BSDC1: variants seen among roughly 807,000 people sequenced by gnomAD.
The protein encoded by BSDC1 is BSD domain containing 1.
A neutral mutation model predicts 56.0 loss-of-function variants in BSDC1; 29 were observed. The ratio of observed to expected loss-of-function variants is 0.52; its 90% CI spans 0.39 to 0.71. The LOEUF (loss-of-function observed/expected upper bound fraction) is 0.71, where lower values mean the gene tolerates loss of function less well. Among genes scored for constraint, BSDC1 ranks in the 30% least tolerant of loss-of-function variants. BSDC1 has a pLI of 0.00. For missense variants in BSDC1, 477 were observed against 548.5 expected, an observed-to-expected ratio of 0.87 and a Z score of 1.30; for synonymous variants, 210 against 215.3, an observed-to-expected ratio of 0.98 and a Z score of 0.21.
rs531782011 is a variant in BSDC1, at chr1:32,386,115, C to G, written c.189+664G>C. Reference sequence around the variant, plus strand: ...TGGGCAGATCACAAGGTCAGGAGATCGAGACCATCCTGGCTAACACGGTGC... The same window carrying G: ...TGGGCAGATCACAAGGTCAGGAGATGGAGACCATCCTGGCTAACACGGTGC... On this transcript the variant is annotated intron_variant, in intron 3 of 10. Transcript: ENST00000455895. Among the ~76,000 whole-genome samples, 5 of 152,124 alleles carry G rather than the reference C, an allele frequency of 3.3e-5. No homozygotes were observed. In the South Asian group the frequency reaches 1.0e-3, roughly 32 times the overall value.
intron 9 of BSDC1, among the ~76,000 whole-genome samples, chr1:32,375,094 G>C (rs1192827896): frequency 6.6e-6 from 1 of 152,100 alleles, no homozygotes; most frequent in Non-Finnish European, 1.5e-5. Context: ...GGAGGTTGCA[G>C]TGAGCCGAGA....
In BSDC1 at chr1:32,376,404, C is replaced by T. The variant is rs1642284510; in HGVS notation, c.1014G>A (p.Thr338=). 6 of 1,613,606 alleles carry T rather than the reference C, an allele frequency of 3.7e-6. No homozygotes were observed. Among genetic ancestry groups the T allele is most frequent in the Non-Finnish European group, 5.1e-6 (6 of 1,179,666 alleles). The change falls in exon 9 of 11, where the codon ACG becomes ACA. Residue 338 remains threonine, a synonymous_variant. Transcript: ENST00000455895. ...PSPPIHSKPL[T]PAGHTGGPEP... ...CTGGGCCGCCGGTGTGGCCAGCAGG[C>T]GTTAGGGGCTTGGAGTGAATAGGGG... is the stretch of plus-strand genomic sequence containing the variant.
intron 10 of BSDC1, chr1:32,368,214 C>T (rs1641922440): frequency 1.4e-6 from 2 of 1,447,250 alleles, no homozygotes. Context: ...AATTTTGATA[C>T]AGAGCTAAGG....
chr1:32,393,060 T>C (rs1642920137), intron 2 of BSDC1, among the ~76,000 whole-genome samples: 2 of 152,166 alleles, frequency 1.3e-5, no homozygotes, highest in Admixed American at 6.5e-5. Flanking sequence ...TGAGACTCTG[T>C]CTCAAAACAA....
At chr1:32,368,033 T>C (rs984862237) in intron 10 of BSDC1, 8 of 202,450 alleles carry the variant, frequency 4.0e-5, no homozygotes, top group African/African-American at 2.1e-4. Context: ...TCTTTTTTCC[T>C]TTTTTTTTTT....
intron 10 of BSDC1, chr1:32,368,232 C>T: frequency 6.8e-7 from 1 of 1,472,816 alleles, no homozygotes; most frequent in Non-Finnish European, 9.0e-7. Flanking sequence ...AGGTCAAGAA[C>T]TTGACCCTCT....
At chr1:32,393,371 A>G (rs1642932701) in intron 2 of BSDC1, among the ~76,000 whole-genome samples, 1 of 152,126 alleles carries the variant, frequency 6.6e-6, no homozygotes, top group Non-Finnish European at 1.5e-5. Context: ...CCCTACTTAG[A>G]ACTCATCAGG....
chr1:32,370,000 C>T (rs1046796006), intron 9 of BSDC1, among the ~76,000 whole-genome samples: 7 of 152,172 alleles, frequency 4.6e-5, no homozygotes, highest in Admixed American at 2.0e-4. Context: ...TTTTTTGAGA[C>T]GGAGTCTCGC....
chr1:32,374,171 A>T (rs981672983), intron 9 of BSDC1, among the ~76,000 whole-genome samples: 2 of 152,240 alleles, frequency 1.3e-5, no homozygotes, highest in Admixed American at 6.5e-5. Context: ...GGATTGAGTA[A>T]TATGCATATT....
chr1:32,386,561 C>T (rs1299354495), intron 3 of BSDC1: 2 of 420,042 alleles, frequency 4.8e-6, no homozygotes, highest in Non-Finnish European at 8.5e-6. Flanking sequence ...TAATGGAAAA[C>T]ATTTGCTAAA....
At chr1:32,373,511 T>C (rs1234941594) in intron 9 of BSDC1, among the ~76,000 whole-genome samples, 1 of 152,048 alleles carries the variant, frequency 6.6e-6, no homozygotes, top group East Asian at 1.9e-4. Flanking sequence ...ACTTCTTGCA[T>C]ATACTTTCTT....
Position 32,376,411 on chromosome 1 carries a change from G to A in BSDC1, c.1007C>T (p.Pro336Leu). 1 of 1,613,808 alleles carries A rather than the reference G, an allele frequency of 6.2e-7. No homozygotes were observed. Among genetic ancestry groups the A allele is most frequent in the Non-Finnish European group, 8.5e-7 (1 of 1,179,748 alleles). ...TGPSPPIHSK[P>L]LTPAGHTGGP... The stretch of plus-strand genomic sequence containing the variant: ...GCCGGTGTGGCCAGCAGGCGTTAGG[G>A]GCTTGGAGTGAATAGGGGGTGAGGG... Residue 336 changes from proline to leucine, a missense_variant, in exon 9 of 11, where the codon CCC becomes CTC. Physicochemically the swap from Pro to Leu is moderately conservative, Grantham distance 98. Coordinates refer to ENST00000455895, the MANE Select transcript of BSDC1 (RefSeq NM_018045.8).
In BSDC1 at chr1:32,371,678, A is replaced by G. The variant is rs1043825965; in HGVS notation, c.1157-3128T>C. On this transcript the variant is annotated intron_variant, in intron 9 of 10. Coordinates refer to ENST00000455895, the MANE Select transcript of BSDC1 (RefSeq NM_018045.8). ...GATCCTCCAACGGCATGACCAGTAA[A>G]CATCTCCGTTTCTTCTTCTCCGACC... is the stretch of plus-strand genomic sequence containing the variant. Among the ~76,000 whole-genome samples, 7 of 151,818 alleles carry G rather than the reference A, an allele frequency of 4.6e-5. No individual in the cohort carries two copies. The East Asian group carries it at 1.4e-3, about 29-fold the overall frequency.
At chr1:32,377,926 C>T (rs749708975) in intron 8 of BSDC1, 44 bp downstream of exon 8, 15 of 1,572,972 alleles carry the variant, frequency 9.5e-6, no homozygotes, top group African/African-American at 1.3e-5. Flanking sequence ...CAGAGCGTCC[C>T]GCACAGATGT....
chr1:32,371,186 T>C (rs1405772787), intron 9 of BSDC1, among the ~76,000 whole-genome samples: 1 of 152,058 alleles, frequency 6.6e-6, no homozygotes, highest in African/African-American at 2.4e-5. Flanking sequence ...CATGCACACA[T>C]GCAGAAGAGA....
Position 32,378,805 on chromosome 1 carries a change from C to G in BSDC1, c.447G>C (p.Gln149His), listed in dbSNP as rs1392634918. Residue 149 changes from glutamine (Q) to histidine (H), a missense_variant, in exon 6 of 11, where the codon CAG becomes CAC. Coordinates refer to ENST00000455895, the MANE Select transcript of BSDC1 (RefSeq NM_018045.8). The surrounding 1 kb of genome is among the most constrained non-coding windows in gnomAD (Gnocchi z 5.2). ...CCCCCTTCTTCTCCTCCAAGCAGAA[C>G]TGGGAAAGCCAGGCGTCAAACAATT... ...PPELFDAWLSQFCLEEKKGEI... is the reference protein window; with the variant it reads ...PPELFDAWLSHFCLEEKKGEI... The G allele has an allele frequency of 3.2e-6, 5 of 1,544,234 alleles. No homozygotes were observed. Among genetic ancestry groups the G allele is most frequent in the East Asian group, 2.4e-5 (1 of 40,866 alleles).
chr1:32,371,092 T>C (rs1175768473), intron 9 of BSDC1, among the ~76,000 whole-genome samples: 2 of 152,004 alleles, frequency 1.3e-5, no homozygotes, highest in East Asian at 3.8e-4. Flanking sequence ...ATAAAAGTTA[T>C]TACTAAGAAG....
At chr1:32,392,747 C>T (rs1282911406) in intron 2 of BSDC1, among the ~76,000 whole-genome samples, 1 of 152,146 alleles carries the variant, frequency 6.6e-6, no homozygotes, top group Non-Finnish European at 1.5e-5. Context: ...TCCAGGAGTA[C>T]CCAGGATAAG....
At chr1:32,370,803 C>CAAAAAAAAAAAAAAAAAAA (rs58351365) in intron 9 of BSDC1, among the ~76,000 whole-genome samples, 1 of 50,124 alleles carries the variant, frequency 2.0e-5, no homozygotes, top group Admixed American at 2.8e-4. Context: ...GACTCCGTCT[C>CAAAAAAAAAAAAAAAAAAA]AAAAAAAAAA....
Sources: allele counts gnomAD v4.1 joint callset (sites outside exome capture counted in the v4.1 genomes callset), GRCh38; gene constraint gnomAD v4.1.1; non-coding constraint Gnocchi (gnomAD v3.1); transcripts MANE v1.5; gene names NCBI Gene and HGNC (gene_info 2026-07-23, HGNC 2026-07-21).